USP5: variants seen among roughly 807,000 people sequenced by gnomAD.
USP5 encodes ubiquitin specific peptidase 5, also known as ubiquitin carboxyl-terminal hydrolase 5.
A neutral mutation model predicts 102.5 loss-of-function variants in USP5; 24 were observed. The observed-to-expected ratio is 0.23, with a 90% CI of 0.17 to 0.33. USP5 has a LOEUF of 0.33. Ranked by LOEUF, USP5 falls within the 10% of genes least tolerant of loss-of-function variation. The pLI, the probability that USP5 is intolerant of heterozygous loss-of-function variation, is 1.00. For synonymous variants in USP5, 460 were observed against 434.8 expected (o/e 1.06, Z -0.72); for missense variants, 753 against 1,122.1 (o/e 0.67, Z 4.70).
In USP5 at chr12:6,864,076, G is replaced by A; in HGVS notation, c.2125G>A (p.Gly709Ser). Residue 709 changes from glycine (G) to serine (S), a missense_variant, in exon 17 of 20, where the codon GGC becomes AGC. Physicochemically the swap from Gly to Ser is moderately conservative, Grantham distance 56. Around this residue, in one of 3 missense-constraint regions of USP5, gnomAD observed 193 missense variants for 230.2 expected, o/e 0.84. Coordinates refer to ENST00000229268, the MANE Select transcript of USP5 (RefSeq NM_001098536.2). The surrounding 1 kb of genome is among the most constrained non-coding windows in gnomAD (Gnocchi z 4.8). Reference protein sequence around the residue: ...PDFANPLILPGSSGPGSTSAA... With the variant: ...PDFANPLILPSSSGPGSTSAA... ...TTTTGCAAACCCCCTCATCCTGCCT[G>A]GCTCTAGTGGGCCGGGCTCCACAAG... The A allele has an allele frequency of 6.2e-7, 1 of 1,612,022 alleles. No homozygotes were observed. Among genetic ancestry groups the A allele is most frequent in the Non-Finnish European group, 8.5e-7 (1 of 1,178,860 alleles).
Position 6,852,248 on chromosome 12 carries a change from C to G in USP5, c.69C>G (p.Asp23Glu). 6.2e-7 allele frequency: 1 copy of G among 1,613,118 alleles called. No individual in the cohort carries two copies. Among genetic ancestry groups the G allele is most frequent in the Non-Finnish European group, 8.5e-7 (1 of 1,179,704 alleles). The change falls in exon 1 of 20, where the codon GAC becomes GAG. Residue 23 changes from aspartate to glutamate, a missense_variant. Coordinates refer to ENST00000229268, the MANE Select transcript of USP5 (RefSeq NM_001098536.2). Reference sequence around the variant, plus strand: ...CGATCCGGGTCCCTAAGGCTGGAGACCGGGTCCACAAAGACGAGTGCGCCT... The same window carrying G: ...CGATCCGGGTCCCTAAGGCTGGAGAGCGGGTCCACAAAGACGAGTGCGCCT... ...LPTIRVPKAG[D>E]RVHKDECAFS...
In USP5 at chr12:6,864,422, G is replaced by A. The variant is rs113159521; in HGVS notation, c.2244+227G>A. Among the ~76,000 whole-genome samples the A allele has an allele frequency of 3.1e-3, 466 of 152,330 alleles. 1 individual carries two copies. Among genetic ancestry groups the A allele is most frequent in the African/African-American group, 8.4e-3 (348 of 41,566 alleles). On this transcript the variant is annotated intron_variant, in intron 17 of 19. Transcript: ENST00000229268. The surrounding 1 kb of genome is among the most constrained non-coding windows in gnomAD (Gnocchi z 4.8). ...TGCTTCTGTTTGGCCGGGCGCGGTGGCTCACGCCTGTAATCCCAGCACTTT... is the reference window on the plus strand; with the variant it reads ...TGCTTCTGTTTGGCCGGGCGCGGTGACTCACGCCTGTAATCCCAGCACTTT...
Position 6,856,205 on chromosome 12 carries a change from T to C in USP5, c.438+55T>C. On this transcript the variant is annotated intron_variant, in intron 4 of 19. Transcript: ENST00000229268. This position sits in a 1 kb window ranked among gnomAD's most constrained non-coding sequence, Gnocchi z 5.6. ...TCTAGAGCAAGATGGGCCAGGGTAG[T>C]GGTGTCTTAGGCAAGCACTGACAAA... 3 of 1,610,938 alleles carry C rather than the reference T, an allele frequency of 1.9e-6. No individual in the cohort carries two copies. The highest frequency in any genetic ancestry group is 2.2e-5 in the East Asian group (1 of 44,812).
Position 6,863,639 on chromosome 12 carries a change from C to T in USP5, c.1955-191C>T, listed in dbSNP as rs1194737678. Among the ~76,000 whole-genome samples the T allele has an allele frequency of 6.6e-6, 1 of 152,132 alleles. No individual in the cohort carries two copies. Among genetic ancestry groups the T allele is most frequent in the Non-Finnish European group, 1.5e-5 (1 of 68,018 alleles). On this transcript the variant is annotated intron_variant, in intron 15 of 19. Transcript: ENST00000229268. The surrounding 1 kb of genome is among the most constrained non-coding windows in gnomAD (Gnocchi z 4.7). ...GGGGTATCATGCTCCAGAAACAGGG[C>T]CCATTCTGTGAGAATGGGCAGGGAC...
rs1486339598 is a variant in USP5, at chr12:6,855,882, C to A, written c.304+61C>A. 1.2e-6 allele frequency: 2 copies of A among 1,611,210 alleles called. No individual in the cohort carries two copies. The highest frequency in any genetic ancestry group is 1.7e-6 in the Non-Finnish European group (2 of 1,177,894). On this transcript the variant is annotated intron_variant, in intron 3 of 19. Coordinates refer to ENST00000229268, the MANE Select transcript of USP5 (RefSeq NM_001098536.2). The surrounding 1 kb of genome is among the most constrained non-coding windows in gnomAD (Gnocchi z 4.6). Reference sequence around the variant, plus strand: ...CTGGTCTTTCTGGCTCTCAGCAGCACCAGGAAAGCCCCAAAGAGTGGGCCT... The same window carrying A: ...CTGGTCTTTCTGGCTCTCAGCAGCAACAGGAAAGCCCCAAAGAGTGGGCCT...
rs1565531513 is a variant in USP5 at position 6,859,473 on chromosome 12, T to C, written c.1062T>C (p.Tyr354=). 11 of 1,614,128 alleles carry C rather than the reference T, an allele frequency of 6.8e-6. No individual in the cohort carries two copies. Among genetic ancestry groups the C allele is most frequent in the Non-Finnish European group, 9.3e-6 (11 of 1,180,008 alleles). The part of the protein sequence containing the change: ...LFSIPDFQRK[Y]VDKLEKIFQN... Reference sequence around the variant, plus strand: ...CTGTCCTTCCCTTGACTTTTAGGTATGTGGATAAGCTGGAGAAGATCTTCC... The same window carrying C: ...CTGTCCTTCCCTTGACTTTTAGGTACGTGGATAAGCTGGAGAAGATCTTCC... Residue 354 remains tyrosine (Y), a synonymous_variant, in exon 9 of 20, where the codon TAT becomes TAC. Coordinates refer to ENST00000229268, the MANE Select transcript of USP5 (RefSeq NM_001098536.2).
Position 6,866,038 on chromosome 12 carries a change from C to T in USP5, c.2538C>T (p.Asp846=), listed in dbSNP as rs782535920. Residue 846 remains aspartate, a synonymous_variant, in exon 20 of 20, where the codon GAC becomes GAT. Transcript: ENST00000229268. This position sits in a 1 kb window ranked among gnomAD's most constrained non-coding sequence, Gnocchi z 4.7. ...KVCASEKPPK[D]LGYIYFYQRV... ...GTGCCTCCGAGAAGCCGCCCAAGGACCTGGGCTACATCTACTTCTACCAGA... is the reference window on the plus strand; with the variant it reads ...GTGCCTCCGAGAAGCCGCCCAAGGATCTGGGCTACATCTACTTCTACCAGA... 1.2e-6 allele frequency: 2 copies of T among 1,614,092 alleles called. No individual in the cohort carries two copies. The highest frequency in any genetic ancestry group is 3.3e-5 in the Admixed American group (2 of 60,018).
chr12:6,852,597 C>T (rs1943951868), intron 1 of USP5, among the ~76,000 whole-genome samples: 1 of 152,268 alleles, frequency 6.6e-6, no homozygotes, highest in Non-Finnish European at 1.5e-5. Flanking sequence ...CTACATCCCC[C>T]AAGTGGACCC....
At position 6,866,108 on chromosome 12, in the gene USP5, A is replaced by T; in HGVS notation, c.*31A>T. The T allele has an allele frequency of 6.3e-7, 1 of 1,593,984 alleles. No homozygotes were observed. The highest frequency in any genetic ancestry group is 8.6e-7 in the Non-Finnish European group (1 of 1,161,762). ...TGCCTCACCCCTTACCAATGAGGGC[A>T]GGGGAAGACCACCTGGCATGAGGGA... is the stretch of plus-strand genomic sequence containing the variant. On this transcript the variant is annotated 3_prime_UTR_variant, in exon 20 of 20. Coordinates refer to ENST00000229268, the MANE Select transcript of USP5 (RefSeq NM_001098536.2). This position sits in a 1 kb window ranked among gnomAD's most constrained non-coding sequence, Gnocchi z 4.7.
chr12:6,859,841 G>C (rs1340467034), intron 9 of USP5, among the ~76,000 whole-genome samples: 2 of 152,130 alleles, frequency 1.3e-5, no homozygotes, highest in Non-Finnish European at 2.9e-5. Context: ...ATTTTTAGTA[G>C]AGACGGGGTT....
At position 6,860,796 on chromosome 12, in the gene USP5, GA is replaced by G. The variant is rs1385434939; in HGVS notation, c.1345-156del. ...GTGCAGGGATGGGGCCAGAAATGGG[GA>G]GGGGTTGGTGAATTAGGGAAGGTTT... On this transcript the variant is annotated intron_variant, in intron 11 of 19. Coordinates refer to ENST00000229268, the MANE Select transcript of USP5 (RefSeq NM_001098536.2). This position sits in a 1 kb window ranked among gnomAD's most constrained non-coding sequence, Gnocchi z 5.5. Among the ~76,000 whole-genome samples, 1 of 152,220 alleles carries G rather than the reference GA, an allele frequency of 6.6e-6. No homozygotes were observed. The highest frequency in any genetic ancestry group is 2.4e-5 in the African/African-American group (1 of 41,456).
At position 6,862,470 on chromosome 12, in the gene USP5, G is replaced by A. The variant is rs1234967955; in HGVS notation, c.1674G>A (p.Lys558=). 3 of 1,613,710 alleles carry A rather than the reference G, an allele frequency of 1.9e-6. No homozygotes were observed. Among genetic ancestry groups the A allele is most frequent in the South Asian group, 1.1e-5 (1 of 91,070 alleles). The change falls in exon 14 of 20, where the codon AAG becomes AAA. Residue 558 remains lysine (K), a splice_region_variant and synonymous_variant. Transcript: ENST00000229268. The part of the protein sequence containing the change: ...TALQAKSVAV[K]TTRFASFPDY... ...TACCAGCACAGTCTCTCTTCCCTAG[G>A]ACCACACGATTTGCCTCATTCCCTG...
intron 8 of USP5, 81 bp from the exon 9 acceptor site, chr12:6,859,389 A>C (rs1408259348): frequency 2.1e-6 from 3 of 1,416,448 alleles, no homozygotes; most frequent in African/African-American, 2.8e-5. Context: ...CCGTTCACAG[A>C]GTTAGTAAAT....
In USP5 at chr12:6,866,321, T is replaced by C. The variant is rs1467324039; in HGVS notation, c.*244T>C. 7 of 493,536 alleles carry C rather than the reference T, an allele frequency of 1.4e-5. No individual in the cohort carries two copies. Among genetic ancestry groups the C allele is most frequent in the African/African-American group, 1.3e-4 (7 of 52,110 alleles). The allele number at this position is 493,536 out of a possible 1,614,324, so 30.6% of individuals were successfully genotyped here. A position where few individuals can be genotyped will look rare whatever the true frequency, so the allele number is the denominator to read the frequency against. ...CCACCTGTCTGTAAGGAGACTTTGT[T>C]GCTTCCCCTGCCCCCGGAATCCACA... On this transcript the variant is annotated 3_prime_UTR_variant, in exon 20 of 20. Coordinates refer to ENST00000229268, the MANE Select transcript of USP5 (RefSeq NM_001098536.2). The surrounding 1 kb of genome is among the most constrained non-coding windows in gnomAD (Gnocchi z 4.7).
At chr12:6,862,605 A>G (rs1213940251) in intron 14 of USP5, 47 bp downstream of exon 14, 1 of 1,570,104 alleles carries the variant, frequency 6.4e-7, no homozygotes, top group African/African-American at 1.4e-5. Context: ...TGCTAGAAAA[A>G]GAAGGGGCTT....
rs782500319 is a variant in USP5, at chr12:6,860,262, T to G, written c.1218+24T>G. The stretch of plus-strand genomic sequence containing the variant: ...AGGTGCGTCTAGGACCCTGTCCCTT[T>G]CAGGCCCTGGGATTGTGGGGAAGCT... On this transcript the variant is annotated intron_variant, in intron 10 of 19. Transcript: ENST00000229268. The surrounding 1 kb of genome is among the most constrained non-coding windows in gnomAD (Gnocchi z 5.5). 5 of 1,611,038 alleles carry G rather than the reference T, an allele frequency of 3.1e-6. No homozygotes were observed. Among genetic ancestry groups the G allele is most frequent in the Non-Finnish European group, 4.2e-6 (5 of 1,178,050 alleles).
chr12:6,858,315 C>T lies in USP5; in HGVS notation c.865-109C>T. 8.2e-7 allele frequency: 1 copy of T among 1,220,546 alleles called. No individual in the cohort carries two copies. The allele number at this position is 1,220,546 out of a possible 1,614,324, so 75.6% of individuals were successfully genotyped here. On this transcript the variant is annotated intron_variant, in intron 7 of 19. Transcript: ENST00000229268. The surrounding 1 kb of genome is among the most constrained non-coding windows in gnomAD (Gnocchi z 4.2). The stretch of plus-strand genomic sequence containing the variant: ...CCTCCCATGTTTGAGCCTGTAATTC[C>T]ACAAATTCTAGGCCACAGTTGAGTA...
rs2071059 is a variant in USP5 at position 6,860,567 on chromosome 12, A to G, written c.1344+76A>G. ...CTCCTTCCTGCCCATTTCTCCCTCTATCAGCCCCAACCCAGTCCCATCCCT... is the reference window on the plus strand; with the variant it reads ...CTCCTTCCTGCCCATTTCTCCCTCTGTCAGCCCCAACCCAGTCCCATCCCT... On this transcript the variant is annotated intron_variant, in intron 11 of 19. Coordinates refer to ENST00000229268, the MANE Select transcript of USP5 (RefSeq NM_001098536.2). This position sits in a 1 kb window ranked among gnomAD's most constrained non-coding sequence, Gnocchi z 5.5. 479,450 of 1,593,678 alleles carry G rather than the reference A, an allele frequency of 0.3. 73,781 individuals carry two copies. Among genetic ancestry groups the G allele is most frequent in the African/African-American group, 0.41 (30,594 of 74,742 alleles).
rs201018774 is a variant in USP5, at chr12:6,855,513, G to A, written c.224G>A (p.Arg75Gln). 1.2e-5 allele frequency: 19 copies of A among 1,614,144 alleles called. No homozygotes were observed. In the Admixed American group the frequency reaches 2.3e-4, roughly 20 times the overall value. Residue 75 changes from arginine to glutamine, a missense_variant, in exon 2 of 20, where the codon CGG becomes CAG. Arg to Gln is a conservative substitution (Grantham distance 43). Transcript: ENST00000229268. The surrounding 1 kb of genome is among the most constrained non-coding windows in gnomAD (Gnocchi z 4.6). ...TGQRVYLHLR[R>Q]TRRPKEEDPA... ...CAGCGAGTCTACTTGCACCTCCGGC[G>A]GACCCGGCGCCCGGTAGGAGCAGGG...
Sources: gnomAD v4.1 joint callset for allele counts (sites outside exome capture counted in the v4.1 genomes callset) on GRCh38, gnomAD v4.1.1 for gene constraint, gnomAD v4.1.1 regional missense constraint, Gnocchi (gnomAD v3.1) non-coding constraint, MANE v1.5 for transcripts, NCBI Gene and HGNC (gene_info 2026-07-23, HGNC 2026-07-21) for gene names.